The following RALYL variants were observed in gnomAD, a reference collection of about 807,000 sequenced individuals.
The protein encoded by RALYL is RNA-binding Raly-like protein.
RALYL carries 29 observed loss-of-function variants against 35.1 expected under a neutral mutation model. That is an observed-to-expected ratio of 0.83 (90% CI 0.61 to 1.13). The LOEUF is 1.13. Among genes scored for constraint, RALYL ranks in the 50% most tolerant of loss-of-function variants. RALYL has a pLI of 0.00. For missense variants in RALYL, 359 were observed against 360.4 expected (o/e 1.00, Z 0.03); for synonymous variants, 120 against 127.6 (o/e 0.94, Z 0.40).
chr8:84,298,516 T>C (rs903101957), intron 1 of RALYL, among the ~76,000 whole-genome samples: 4 of 152,156 alleles, frequency 2.6e-5, no homozygotes, highest in Admixed American at 2.6e-4. Context: ...TCTTTTTGCT[T>C]AGGATTACTT....
At chr8:84,680,075 C>T (rs2131958931) in intron 2 of RALYL, among the ~76,000 whole-genome samples, 1 of 152,082 alleles carries the variant, frequency 6.6e-6, no homozygotes, top group South Asian at 2.1e-4. Context: ...TGTTCAATTC[C>T]CACCTATGAG....
intron 3 of RALYL, among the ~76,000 whole-genome samples, chr8:84,787,404 T>G (rs1224873754): frequency 6.6e-6 from 1 of 151,896 alleles, no homozygotes; most frequent in African/African-American, 2.4e-5. Context: ...TGTCCAGTAT[T>G]ACTGGATTCA....
intron 1 of RALYL, among the ~76,000 whole-genome samples, chr8:84,449,070 G>GTT (rs1215015705): frequency 1.6e-4 from 21 of 134,796 alleles, no homozygotes; most frequent in African/African-American, 2.5e-4. Context: ...TTAGCTGTTA[G>GTT]TTTTTTTGTT....
intron 1 of RALYL, among the ~76,000 whole-genome samples, chr8:84,356,903 G>C (rs1390007929): frequency 0.026 from 3,736 of 143,878 alleles, 222 homozygotes; most frequent in African/African-American, 0.038. Context: ...GAATAATAGA[G>C]TAAATAGTGT....
intron 2 of RALYL, among the ~76,000 whole-genome samples, chr8:84,724,217 A>G (rs755107409): frequency 2.0e-5 from 3 of 151,848 alleles, no homozygotes; most frequent in Non-Finnish European, 2.9e-5. Flanking sequence ...GTGCAAGGCT[A>G]CAAAGGGTGA....
At chr8:84,233,786 T>C (rs750848167) in intron 1 of RALYL, among the ~76,000 whole-genome samples, 11 of 152,244 alleles carry the variant, frequency 7.2e-5, no homozygotes, top group Non-Finnish European at 1.5e-4. Context: ...CTAGTTGGTC[T>C]TGTTTCCCTC....
At chr8:84,858,506 C>T (rs1837488418) in intron 5 of RALYL, among the ~76,000 whole-genome samples, 1 of 151,942 alleles carries the variant, frequency 6.6e-6, no homozygotes, top group African/African-American at 2.4e-5. Flanking sequence ...ACAAGAAAAA[C>T]AAGAGGAAGG....
intron 2 of RALYL, among the ~76,000 whole-genome samples, chr8:84,729,176 G>A (rs1398929360): frequency 1.3e-5 from 2 of 151,978 alleles, no homozygotes; most frequent in East Asian, 3.9e-4. Context: ...AGTTCTCCTT[G>A]AAGAGGTCCT....
intron 1 of RALYL, among the ~76,000 whole-genome samples, chr8:84,250,700 G>A (rs1011817259): frequency 9.9e-5 from 15 of 152,122 alleles, no homozygotes; most frequent in African/African-American, 1.4e-4. Flanking sequence ...AAAAATTGAC[G>A]CTGTAGTCAA....
At chr8:84,523,269 C>G (rs1000339067) in intron 1 of RALYL, among the ~76,000 whole-genome samples, 1 of 149,922 alleles carries the variant, frequency 6.7e-6, no homozygotes, top group Admixed American at 7.1e-5. Context: ...GCATGTGCAG[C>G]GAAACTTCCC....
intron 8 of RALYL, among the ~76,000 whole-genome samples, chr8:84,911,841 A>G (rs981700157): frequency 7.2e-5 from 11 of 152,134 alleles, no homozygotes; most frequent in Non-Finnish European, 1.5e-4. Context: ...CTGGTTTATT[A>G]TGTAACAAAA....
At chr8:84,740,914 C>T (rs913476713) in intron 2 of RALYL, among the ~76,000 whole-genome samples, 24 of 151,864 alleles carry the variant, frequency 1.6e-4, no homozygotes, top group African/African-American at 5.8e-4. Flanking sequence ...TACCAGGTGA[C>T]ATCTATTTGA....
intron 5 of RALYL, among the ~76,000 whole-genome samples, chr8:84,857,893 G>C (rs925330573): frequency 6.6e-6 from 1 of 151,810 alleles, no homozygotes; most frequent in African/African-American, 2.4e-5. Flanking sequence ...TATTGCTAAA[G>C]CTTAATAATA....
At chr8:84,311,305 A>G (rs977415955) in intron 1 of RALYL, among the ~76,000 whole-genome samples, 1 of 151,988 alleles carries the variant, frequency 6.6e-6, no homozygotes, top group African/African-American at 2.4e-5. Flanking sequence ...CATTGAAACA[A>G]TAAGTATAAA....
At chr8:84,526,207 A>C (rs1414521600) in intron 1 of RALYL, among the ~76,000 whole-genome samples, 1 of 151,936 alleles carries the variant, frequency 6.6e-6, no homozygotes, top group East Asian at 1.9e-4. Flanking sequence ...TGCCCACCTC[A>C]GCCTCCCAAA....
At chr8:84,527,844 G>C (rs140480280) in intron 1 of RALYL, among the ~76,000 whole-genome samples, 321 of 152,166 alleles carry the variant, frequency 2.1e-3, no homozygotes, top group African/African-American at 7.3e-3. Context: ...GTAAATAACT[G>C]AATGTATTGT....
At chr8:84,560,297 C>T (rs1171882199) in intron 2 of RALYL, among the ~76,000 whole-genome samples, 2 of 151,566 alleles carry the variant, frequency 1.3e-5, no homozygotes, top group Non-Finnish European at 2.9e-5. Context: ...GGAAAAGAGA[C>T]AATTTCTCAA....
chr8:84,569,005 C>G (rs1347439822), intron 2 of RALYL, among the ~76,000 whole-genome samples: 1 of 148,608 alleles, frequency 6.7e-6, no homozygotes, highest in Non-Finnish European at 1.5e-5. Flanking sequence ...GTTGCCTGTT[C>G]ACTCTGATGG....
chr8:84,648,609 T>C (rs561976756), intron 2 of RALYL, among the ~76,000 whole-genome samples: 1 of 152,142 alleles, frequency 6.6e-6, no homozygotes, highest in South Asian at 2.1e-4. Context: ...CACATTACTA[T>C]GCATGGAATA....
Sources: allele counts gnomAD v4.1 joint callset (sites outside exome capture counted in the v4.1 genomes callset), GRCh38; gene constraint gnomAD v4.1.1; transcripts MANE v1.5; gene names NCBI Gene and HGNC (gene_info 2026-07-23, HGNC 2026-07-21).